The following CDK13 variants were observed in gnomAD, a reference collection of about 807,000 sequenced individuals.
CDK13 encodes cyclin-dependent kinase 13.
Under a neutral mutation model 137.6 loss-of-function variants are expected in CDK13, and 40 were observed. The observed-to-expected ratio is 0.29, with a 90% CI of 0.23 to 0.38. The LOEUF (loss-of-function observed/expected upper bound fraction) is 0.38, where lower values mean the gene tolerates loss of function less well. Ranked by LOEUF, CDK13 falls within the 10% of genes least tolerant of loss-of-function variation. The pLI, the probability that CDK13 is intolerant of heterozygous loss-of-function variation, is 1.00. For missense variants in CDK13, 1,704 were observed against 1,951.8 expected (o/e 0.87, Z 2.39); for synonymous variants, 869 against 760.1 (o/e 1.14, Z -2.36).
intron 4 of CDK13, among the ~76,000 whole-genome samples, chr7:39,999,951 T>G (rs1784649483): frequency 6.6e-6 from 1 of 152,104 alleles, no homozygotes; most frequent in African/African-American, 2.4e-5. Flanking sequence ...CAGAACATAA[T>G]CAGGAATTCA....
At chr7:40,058,849 G>A (rs568259823) in intron 7 of CDK13, among the ~76,000 whole-genome samples, 1 of 152,260 alleles carries the variant, frequency 6.6e-6, no homozygotes, top group South Asian at 2.1e-4. Context: ...GATTGTGAAT[G>A]TCTTAAAGAT....
At chr7:40,030,152 T>C (rs749575860) in intron 5 of CDK13, among the ~76,000 whole-genome samples, 4 of 152,136 alleles carry the variant, frequency 2.6e-5, no homozygotes, top group African/African-American at 4.8e-5. Flanking sequence ...GTAGTAGTTA[T>C]AGCCACTATA....
intron 2 of CDK13, 29 bp from the exon 3 acceptor site, chr7:39,997,465 T>G (rs779339570): frequency 6.3e-7 from 1 of 1,579,032 alleles, no homozygotes; most frequent in South Asian, 1.2e-5. Flanking sequence ...AAATTTTTGT[T>G]TTATTTGTCT....
chr7:40,069,436 C>T (rs1257486092), intron 9 of CDK13: 4 of 374,662 alleles, frequency 1.1e-5, no homozygotes, highest in South Asian at 1.9e-5. Flanking sequence ...CTACTTCCTG[C>T]GCTTATGGTT....
chr7:40,056,728 G>C (rs568787606), intron 7 of CDK13, among the ~76,000 whole-genome samples: 12 of 152,336 alleles, frequency 7.9e-5, no homozygotes, highest in African/African-American at 2.9e-4. Flanking sequence ...AATGGGCACA[G>C]GTAGTGGAAA....
chr7:39,981,791 T>C (rs1377692095), intron 1 of CDK13, among the ~76,000 whole-genome samples: 18 of 145,230 alleles, frequency 1.2e-4, no homozygotes, highest in African/African-American at 4.1e-4. Context: ...TTCCAAAATA[T>C]CTTTTTTTTT....
intron 1 of CDK13, among the ~76,000 whole-genome samples, chr7:39,956,664 A>G (rs1028727303): frequency 1.3e-5 from 2 of 152,110 alleles, no homozygotes; most frequent in African/African-American, 2.4e-5. Context: ...CATGGCTCAC[A>G]GCAGCTTCGA....
chr7:39,957,989 G>A lies in CDK13; in HGVS notation c.1211+6137G>A, dbSNP rs556984160. Among the ~76,000 whole-genome samples, 5 of 152,184 alleles carry A rather than the reference G, an allele frequency of 3.3e-5. No homozygotes were observed. In the South Asian group the frequency reaches 1.0e-3, roughly 32 times the overall value. On this transcript the variant is annotated intron_variant, in intron 1 of 13. Transcript: ENST00000181839. ...TCTATAAATTTATAAGCTTTGAAGT[G>A]GGTGTTGGAAGCAAAAGTACCAAGC...
chr7:40,007,195 A>G (rs1031973595), intron 5 of CDK13, among the ~76,000 whole-genome samples: 1 of 152,202 alleles, frequency 6.6e-6, no homozygotes, highest in African/African-American at 2.4e-5. Flanking sequence ...GTGTTTTTAT[A>G]ATGAGGGAAT....
At chr7:39,972,886 A>G (rs1784029865) in intron 1 of CDK13, among the ~76,000 whole-genome samples, 3 of 152,188 alleles carry the variant, frequency 2.0e-5, no homozygotes, top group African/African-American at 4.8e-5. Context: ...GCTGTTTTTT[A>G]AAGTAGCTGC....
At chr7:39,992,691 C>G (rs1164846024) in intron 2 of CDK13, among the ~76,000 whole-genome samples, 2 of 151,840 alleles carry the variant, frequency 1.3e-5, no homozygotes, top group African/African-American at 4.8e-5. Flanking sequence ...TGCCCCCAGC[C>G]CTATGACTTT....
At chr7:39,998,228 T>G (rs1442457585) in intron 3 of CDK13, 1 of 143,118 alleles carries the variant, frequency 7.0e-6, no homozygotes, top group African/African-American at 2.5e-5. Flanking sequence ...TTTAACTTCT[T>G]AACCAAGGGA....
intron 11 of CDK13, among the ~76,000 whole-genome samples, chr7:40,082,027 A>G (rs1269103685): frequency 1.3e-5 from 2 of 152,232 alleles, no homozygotes; most frequent in Non-Finnish European, 2.9e-5. Context: ...GTTGATTAAT[A>G]TTGCTTATTC....
Position 39,951,826 on chromosome 7 carries a change from T to C in CDK13, c.1185T>C (p.Ser395=), listed in dbSNP as rs1353596840. ...ACAGCAGCAGCAGCTGGCGCCGCTC[T>C]CGCAGTCCCTACAGCCCTGTGCTCA... The part of the protein sequence containing the change: ...SPYSSSSWRR[S]RSPYSPVLRR... Residue 395 remains serine (S), a synonymous_variant, in exon 1 of 14, where the codon TCT becomes TCC. Transcript: ENST00000181839. 1.4e-6 allele frequency: 2 copies of C among 1,456,028 alleles called. No homozygotes were observed. The highest frequency in any genetic ancestry group is 1.5e-5 in the African/African-American group (1 of 68,172). 90.2% of individuals were successfully genotyped at this position (1,456,028 alleles called of 1,614,324 possible).
chr7:40,082,510 AAAAG>A, intron 11 of CDK13, among the ~76,000 whole-genome samples: 1 of 145,850 alleles, frequency 6.9e-6, no homozygotes, highest in Admixed American at 6.7e-5. Context: ...AAAAAAAAAA[AAAAG>A]ATTTAAAGGA....
chr7:39,953,995 C>A (rs1172011044), intron 1 of CDK13, among the ~76,000 whole-genome samples: 1 of 152,160 alleles, frequency 6.6e-6, no homozygotes, highest in Non-Finnish European at 1.5e-5. Context: ...AAGCATGCAG[C>A]CTTACAGAAA....
chr7:40,040,542 A>G (rs1785583000), intron 5 of CDK13, among the ~76,000 whole-genome samples: 1 of 152,214 alleles, frequency 6.6e-6, no homozygotes, highest in Admixed American at 6.5e-5. Flanking sequence ...AAAACAACCA[A>G]TAAGTATTGT....
chr7:40,085,936 G>A lies in CDK13; in HGVS notation c.3030-2190G>A, dbSNP rs1786777043. Among the ~76,000 whole-genome samples, 5 of 152,016 alleles carry A rather than the reference G, an allele frequency of 3.3e-5. No individual in the cohort carries two copies. The South Asian group carries it at 1.0e-3, about 32-fold the overall frequency. On this transcript the variant is annotated intron_variant, in intron 11 of 13. Coordinates refer to ENST00000181839, the MANE Select transcript of CDK13 (RefSeq NM_003718.5). ...GCTAGAATGCTGAAAATAACATACT[G>A]TAATCATATTACCCCTACCCCCACC...
intron 5 of CDK13, among the ~76,000 whole-genome samples, chr7:40,036,764 T>C (rs2150508775): frequency 6.6e-6 from 1 of 151,840 alleles, no homozygotes; most frequent in East Asian, 1.9e-4. Flanking sequence ...CATTGTATTA[T>C]AAAAGTTAGT....
Sources: allele counts gnomAD v4.1 joint callset (sites outside exome capture counted in the v4.1 genomes callset), GRCh38; gene constraint gnomAD v4.1.1; transcripts MANE v1.5; gene names NCBI Gene and HGNC (gene_info 2026-07-23, HGNC 2026-07-21).